Variants in CSMD3 observed in about 807,000 individuals in gnomAD.
The protein encoded by CSMD3 is CUB and sushi domain-containing protein 3.
Under a neutral mutation model 435.2 loss-of-function variants are expected in CSMD3, and 177 were observed. That is an observed-to-expected ratio of 0.41 (90% CI 0.36 to 0.46). The LOEUF is 0.46. CSMD3 is among the 20% of genes least tolerant of loss of function. The probability of loss-of-function intolerance (pLI) is 0.34; values close to 1 mark genes in which losing one functional copy is unlikely to be tolerated. For synonymous variants in CSMD3, 1,656 were observed against 1,520.5 expected (o/e 1.09, Z -2.07); for missense variants, 4,265 against 4,504.6 (o/e 0.95, Z 1.52).
At chr8:113,151,507 T>C (rs1470521445) in intron 4 of CSMD3, among the ~76,000 whole-genome samples, 1 of 151,802 alleles carries the variant, frequency 6.6e-6, no homozygotes, top group African/African-American at 2.4e-5. Context: ...ATGACAAGAA[T>C]AATACAAACA....
At chr8:112,270,359 T>TGTGTGTGTGTGTGTGTGTGTTAGGGGGGA (rs1554623000) in intron 59 of CSMD3, among the ~76,000 whole-genome samples, 1 of 130,906 alleles carries the variant, frequency 7.6e-6, no homozygotes. Context: ...TGTGTGTGTG[T>TGTGTGTGTGTGTGTGTGTGTTAGGGGGGA]GTGTGTGTGT....
chr8:113,215,593 T>C (rs530724756), intron 3 of CSMD3, among the ~76,000 whole-genome samples: 2 of 152,012 alleles, frequency 1.3e-5, no homozygotes, highest in Admixed American at 1.3e-4. Context: ...GCAAATCCTC[T>C]TTTCTAAAAG....
chr8:113,026,003 G>T (rs1168384084), intron 5 of CSMD3, among the ~76,000 whole-genome samples: 3 of 152,136 alleles, frequency 2.0e-5, no homozygotes, highest in Non-Finnish European at 4.4e-5. Flanking sequence ...CTATGGGTCT[G>T]GTACCATCAA....
intron 1 of CSMD3, among the ~76,000 whole-genome samples, chr8:113,319,255 C>A (rs553672282): frequency 2.0e-5 from 3 of 152,040 alleles, no homozygotes; most frequent in South Asian, 4.2e-4. Context: ...ATCATACTTA[C>A]GGGAGTAAGG....
intron 27 of CSMD3, among the ~76,000 whole-genome samples, chr8:112,522,049 T>C (rs1824343409): frequency 6.6e-6 from 1 of 151,888 alleles, no homozygotes; most frequent in Non-Finnish European, 1.5e-5. Flanking sequence ...GTGATTTTAC[T>C]TTGTATGCTA....
intron 4 of CSMD3, among the ~76,000 whole-genome samples, chr8:113,106,242 G>A (rs759898576): frequency 6.7e-4 from 101 of 151,766 alleles, no homozygotes; most frequent in Non-Finnish European, 1.2e-3. Context: ...ACTGAACTCA[G>A]TGACCACAGT....
chr8:113,003,664 G>A (rs1043355721), intron 6 of CSMD3, among the ~76,000 whole-genome samples: 2 of 151,964 alleles, frequency 1.3e-5, no homozygotes, highest in Non-Finnish European at 2.9e-5. Flanking sequence ...TTTTTTTAGC[G>A]AGATGCTTTT....
At chr8:113,355,120 A>G (rs1250907126) in intron 1 of CSMD3, among the ~76,000 whole-genome samples, 2 of 152,210 alleles carry the variant, frequency 1.3e-5, no homozygotes, top group African/African-American at 2.4e-5. Flanking sequence ...AAATTAATTC[A>G]TATATGAACT....
intron 12 of CSMD3, among the ~76,000 whole-genome samples, chr8:112,811,148 A>G (rs2079214363): frequency 1.6e-5 from 2 of 127,012 alleles, no homozygotes; most frequent in South Asian, 5.6e-4. Context: ...ATATATTTTG[A>G]TAACTGCAAA....
intron 31 of CSMD3, among the ~76,000 whole-genome samples, chr8:112,477,999 C>CA: frequency 6.6e-6 from 1 of 152,254 alleles, no homozygotes; most frequent in South Asian, 2.1e-4. Flanking sequence ...ATAAGTCTCA[C>CA]AGGATCTGAT....
At chr8:112,515,709 T>G (rs2130979036) in intron 28 of CSMD3, among the ~76,000 whole-genome samples, 1 of 152,168 alleles carries the variant, frequency 6.6e-6, no homozygotes, top group Non-Finnish European at 1.5e-5. Flanking sequence ...AATTTACTTC[T>G]TTGTCATTTG....
intron 4 of CSMD3, among the ~76,000 whole-genome samples, chr8:113,158,407 T>C (rs985767262): frequency 6.6e-6 from 1 of 152,068 alleles, no homozygotes; most frequent in African/African-American, 2.4e-5. Context: ...CCATGCAATA[T>C]GTTTGGCTTT....
chr8:113,260,278 C>T (rs1169888252), intron 3 of CSMD3, among the ~76,000 whole-genome samples: 2 of 152,124 alleles, frequency 1.3e-5, no homozygotes. Context: ...TTTTCTAATC[C>T]TATGCCATTC....
At chr8:112,984,558 A>T (rs187212960) in intron 6 of CSMD3, among the ~76,000 whole-genome samples, 109 of 152,240 alleles carry the variant, frequency 7.2e-4, no homozygotes, top group Non-Finnish European at 1.3e-3. Flanking sequence ...GGTGATACAA[A>T]TTAGAAGGTT....
In CSMD3 at chr8:112,284,125, A is replaced by C. The variant is rs368881697; in HGVS notation, c.9332-2775T>G. On this transcript the variant is annotated intron_variant, in intron 58 of 70. Coordinates refer to ENST00000297405, the MANE Select transcript of CSMD3 (RefSeq NM_198123.2). ...ATTATAACAATACACACTTGTATTG[A>C]TAGCATAAAACTTTGCTTGTGTTCA... Among the ~76,000 whole-genome samples the C allele has an allele frequency of 3.3e-5, 5 of 152,034 alleles. No individual in the cohort carries two copies. The East Asian group carries it at 5.8e-4, about 18-fold the overall frequency.
At chr8:112,562,802 C>A (rs1828746617) in intron 24 of CSMD3, among the ~76,000 whole-genome samples, 1 of 151,502 alleles carries the variant, frequency 6.6e-6, no homozygotes, top group East Asian at 1.9e-4. Flanking sequence ...TAAGTGAAGA[C>A]CTCTTCATTT....
chr8:112,666,411 TG>T lies in CSMD3; in HGVS notation c.2681del (p.Pro894HisfsTer12). 6.2e-7 allele frequency: 1 copy of T among 1,611,964 alleles called. No homozygotes were observed. The highest frequency in any genetic ancestry group is 8.5e-7 in the Non-Finnish European group (1 of 1,178,826). On this transcript the variant is annotated frameshift_variant, in exon 17 of 71. Transcript: ENST00000297405. LOFTEE classifies it high-confidence loss of function. ...TGGGAGCTGAAAAATGGCCACCACA[TG>T]GGGCTGAAAAATTAAATCAGACAAG... Reference protein sequence around the residue: ...WSGLIPKCGAPCGGHFSAPSG... With the variant: ...WSGLIPKCGAXCGGHFSAPSG...
Position 112,838,111 on chromosome 8 carries a change from G to A in CSMD3, c.1756-8322C>T, listed in dbSNP as rs148830052. On this transcript the variant is annotated intron_variant, in intron 11 of 70. Transcript: ENST00000297405. ...GAGATGACAGCCACTCAATCCAGTT[G>A]GAGACTATAGAGGAAAGGATTCCCT... 3.1e-3 allele frequency among the ~76,000 whole-genome samples: 472 copies of A among 151,776 alleles called. 3 individuals carry two copies. The highest frequency in any genetic ancestry group is 9.8e-3 in the African/African-American group (406 of 41,460).
rs193090284 is a variant in CSMD3 at position 112,513,528 on chromosome 8, C to T, written c.4756+3506G>A. ...CAATTACAATAGTAACATAAAAGAT[C>T]ACTGATCACAGATCACAATAACAAC... On this transcript the variant is annotated intron_variant, in intron 28 of 70. Transcript: ENST00000297405. Among the ~76,000 whole-genome samples, 544 of 152,182 alleles carry T rather than the reference C, an allele frequency of 3.6e-3. 1 individual carries two copies. Among genetic ancestry groups the T allele is most frequent in the African/African-American group, 0.013 (521 of 41,520 alleles).
Sources: allele counts gnomAD v4.1 joint callset (sites outside exome capture counted in the v4.1 genomes callset), GRCh38; gene constraint gnomAD v4.1.1; transcripts MANE v1.5; gene names NCBI Gene and HGNC (gene_info 2026-07-23, HGNC 2026-07-21).